The following CAPN8 variants were observed in gnomAD, a reference collection of about 807,000 sequenced individuals.
CAPN8 encodes the protein calpain-8.
Under a neutral mutation model 80.9 loss-of-function variants are expected in CAPN8, and 87 were observed. The observed-to-expected ratio is 1.07, with a 90% CI of 0.90 to 1.28. The LOEUF is 1.28. CAPN8 is among the 50% of genes most tolerant of loss of function. The pLI, the probability that CAPN8 is intolerant of heterozygous loss-of-function variation, is 0.00. For synonymous variants in CAPN8, 299 were observed against 273.8 expected, an observed-to-expected ratio of 1.09 and a Z score of -0.91; for missense variants, 757 against 702.0, an observed-to-expected ratio of 1.08 and a Z score of -0.89.
intron 19 of CAPN8, among the ~76,000 whole-genome samples, chr1:223,543,647 T>A (rs1656533331): frequency 6.6e-6 from 1 of 152,114 alleles, no homozygotes; most frequent in African/African-American, 2.4e-5. Flanking sequence ...AAAACGCCTA[T>A]TGCCTTCAGA....
intron 18 of CAPN8, chr1:223,544,407 C>T (rs567850051): frequency 2.6e-5 from 15 of 587,262 alleles, no homozygotes; most frequent in South Asian, 2.5e-4. Flanking sequence ...CCAGGTCCAG[C>T]GCTAGTACCA....
At chr1:223,644,604 G>A (rs561384640) in intron 2 of CAPN8, among the ~76,000 whole-genome samples, 1 of 152,334 alleles carries the variant, frequency 6.6e-6, no homozygotes, top group East Asian at 1.9e-4. Flanking sequence ...GACAGGTGGT[G>A]GTAAATCCTG....
intron 6 of CAPN8, 41 bp downstream of exon 6, chr1:223,625,764 A>G (rs1305683706): frequency 6.7e-7 from 1 of 1,491,702 alleles, no homozygotes; most frequent in Non-Finnish European, 9.1e-7. Flanking sequence ...TCATGGAAAT[A>G]TTATCACACG....
chr1:223,545,553 A>G (rs1009310445), intron 16 of CAPN8, among the ~76,000 whole-genome samples: 2 of 152,220 alleles, frequency 1.3e-5, no homozygotes, highest in African/African-American at 4.8e-5. Flanking sequence ...CCAATCTGCA[A>G]TATCGTGAAT....
At chr1:223,648,687 T>C (rs1571735127) in intron 2 of CAPN8, among the ~76,000 whole-genome samples, 1 of 152,222 alleles carries the variant, frequency 6.6e-6, no homozygotes, top group East Asian at 1.9e-4. Context: ...TTTAGAGACA[T>C]ATGAAAAGGT....
rs1052460843 is a variant in CAPN8 at position 223,625,904 on chromosome 1, A to G, written c.730-16T>C. Reference sequence around the variant, plus strand: ...CACTGGAGACCTGCGTAGAGAAGAAAGTCCACTCAGTGGCTGACCCTGACC... The same window carrying G: ...CACTGGAGACCTGCGTAGAGAAGAAGGTCCACTCAGTGGCTGACCCTGACC... On this transcript the variant is annotated splice_polypyrimidine_tract_variant and intron_variant, in intron 5 of 20. Coordinates refer to ENST00000366872, the MANE Select transcript of CAPN8 (RefSeq NM_001143962.2). 5.8e-6 allele frequency: 9 copies of G among 1,546,914 alleles called. No individual in the cohort carries two copies. The Admixed American group carries it at 1.6e-4, about 27-fold the overall frequency.
intron 11 of CAPN8, among the ~76,000 whole-genome samples, chr1:223,611,999 C>A (rs1657041576): frequency 6.6e-6 from 1 of 152,174 alleles, no homozygotes; most frequent in Admixed American, 6.5e-5. Context: ...TTCAGACCAC[C>A]AGGGGCATGG....
chr1:223,660,193 C>T (rs1292156640), intron 1 of CAPN8, among the ~76,000 whole-genome samples: 1 of 152,178 alleles, frequency 6.6e-6, no homozygotes, highest in Non-Finnish European at 1.5e-5. Context: ...TGCTGTCTTG[C>T]TGTATTTCTC....
intron 1 of CAPN8, among the ~76,000 whole-genome samples, chr1:223,658,163 C>T (rs1319611820): frequency 2.6e-5 from 4 of 152,210 alleles, no homozygotes; most frequent in Non-Finnish European, 2.9e-5. Flanking sequence ...CAACTATTAA[C>T]TGCAGAATAT....
rs543288485 is a variant in CAPN8, at chr1:223,652,877, T to C, written c.307+1453A>G. Among the ~76,000 whole-genome samples, 22 of 152,206 alleles carry C rather than the reference T, an allele frequency of 1.4e-4. No individual in the cohort carries two copies. The South Asian group carries it at 4.4e-3, about 30-fold the overall frequency. On this transcript the variant is annotated intron_variant, in intron 2 of 20. Transcript: ENST00000366872. ...GGGTTCATTTCCTGTGCTTCCAGCC[T>C]CCTTCTCCATTGGCAGCACGCACTC... is the stretch of plus-strand genomic sequence containing the variant.
intron 2 of CAPN8, among the ~76,000 whole-genome samples, chr1:223,632,030 C>T (rs1216088406): frequency 2.4e-4 from 36 of 152,000 alleles, no homozygotes; most frequent in Admixed American, 2.4e-3. Context: ...CAAAATGTCC[C>T]TCCGTTGCTG....
chr1:223,642,378 A>C (rs1183465326), intron 2 of CAPN8, among the ~76,000 whole-genome samples: 1 of 152,312 alleles, frequency 6.6e-6, no homozygotes, highest in South Asian at 2.1e-4. Flanking sequence ...TGCTACATAT[A>C]ATAAGGCACA....
Position 223,551,122 on chromosome 1 carries a change from G to A in CAPN8, c.1642-105C>T, listed in dbSNP as rs183651126. ...TCACAGTCAGACACCAGGCCCACTGGCCCTGTGAGGTTTATTTGTTTTTGT... is the reference window on the plus strand; with the variant it reads ...TCACAGTCAGACACCAGGCCCACTGACCCTGTGAGGTTTATTTGTTTTTGT... On this transcript the variant is annotated intron_variant, in intron 14 of 20. Transcript: ENST00000366872. The A allele has an allele frequency of 1.9e-4, 125 of 647,222 alleles. 3 individuals are homozygous for A. In the Admixed American group the frequency reaches 3.3e-3, roughly 17 times the overall value. The allele number at this position is 647,222 out of a possible 1,614,324, so 40.1% of individuals were successfully genotyped here. A position where few individuals can be genotyped will look rare whatever the true frequency, so the allele number is the denominator to read the frequency against.
At chr1:223,558,525 G>A (rs1656955165) in intron 12 of CAPN8, among the ~76,000 whole-genome samples, 1 of 152,154 alleles carries the variant, frequency 6.6e-6, no homozygotes, top group Non-Finnish European at 1.5e-5. Context: ...TCCTCTGGGG[G>A]CTAAGCCAGC....
chr1:223,634,995 T>C (rs1299632442), intron 2 of CAPN8, among the ~76,000 whole-genome samples: 1 of 152,236 alleles, frequency 6.6e-6, no homozygotes, highest in African/African-American at 2.4e-5. Context: ...CTCCCACTCA[T>C]GGTCCATGGA....
chr1:223,660,296 G>A (rs1658610976), intron 1 of CAPN8, among the ~76,000 whole-genome samples: 2 of 152,160 alleles, frequency 1.3e-5, no homozygotes, highest in South Asian at 2.1e-4. Flanking sequence ...CTCATGCTGG[G>A]CATTCCTCAA....
chr1:223,650,121 A>C (rs10737417), intron 2 of CAPN8, among the ~76,000 whole-genome samples: 2 of 152,000 alleles, frequency 1.3e-5, no homozygotes, highest in East Asian at 3.9e-4. Context: ...GCCCTTGGCA[A>C]AGGCATTTCC....
At chr1:223,619,177 G>T in intron 9 of CAPN8, 116 bp downstream of exon 9, 1 of 1,258,232 alleles carries the variant, frequency 7.9e-7, no homozygotes, top group Non-Finnish European at 1.1e-6. Flanking sequence ...CTGGGGAACA[G>T]AGCAAGGCCC....
rs201821198 is a variant in CAPN8, at chr1:223,656,676, G to GTTTTTTTT, written c.238-2278_238-2277insAAAAAAAA. Among the ~76,000 whole-genome samples, 465 of 88,282 alleles carry GTTTTTTTT rather than the reference G, an allele frequency of 5.3e-3. 1 individual carries two copies. Among genetic ancestry groups the GTTTTTTTT allele is most frequent in the African/African-American group, 9.1e-3 (230 of 25,322 alleles). 57.9% of individuals were successfully genotyped at this position (88,282 alleles called of 152,430 possible). ...ACATACACACGTTTTGGGTTTTTTTGTTTTGTTTTTTTTTTTTTTTTTTTT... is the reference window on the plus strand; with the variant it reads ...ACATACACACGTTTTGGGTTTTTTTGTTTTTTTTTTTTGTTTTTTTTTTTTTTTTTTTT... On this transcript the variant is annotated intron_variant, in intron 1 of 20. Transcript: ENST00000366872.
Sources: allele counts gnomAD v4.1 joint callset (sites outside exome capture counted in the v4.1 genomes callset), GRCh38; gene constraint gnomAD v4.1.1; transcripts MANE v1.5; gene names NCBI Gene and HGNC (gene_info 2026-07-23, HGNC 2026-07-21).